The following MAP3K20 variants were observed in gnomAD, a reference collection of about 807,000 sequenced individuals.
MAP3K20 encodes mitogen-activated protein kinase kinase kinase 20, also known as HCCS-4.
Under a neutral mutation model 85.7 loss-of-function variants are expected in MAP3K20, and 40 were observed. That is an observed-to-expected ratio of 0.47 (90% CI 0.36 to 0.61). The LOEUF is 0.61. Among genes scored for constraint, MAP3K20 ranks in the 20% least tolerant of loss-of-function variants. The pLI is 0.00. For synonymous variants in MAP3K20, 325 were observed against 327.7 expected, an observed-to-expected ratio of 0.99 and a Z score of 0.09; for missense variants, 817 against 961.7, an observed-to-expected ratio of 0.85 and a Z score of 1.99.
intron 2 of MAP3K20, among the ~76,000 whole-genome samples, chr2:173,094,917 T>C (rs1687415393): frequency 1.3e-5 from 2 of 152,124 alleles, no homozygotes; most frequent in Non-Finnish European, 1.5e-5. Context: ...TAAGTAAATA[T>C]CTTTCCTCAG....
chr2:173,209,670 C>A, intron 9 of MAP3K20, 59 bp from the exon 10 acceptor site: 1 of 1,438,416 alleles, frequency 7.0e-7, no homozygotes, highest in South Asian at 1.3e-5. Flanking sequence ...TCTACGTTTT[C>A]TCTTAAATAT....
chr2:173,146,889 A>G (rs1204861624), intron 2 of MAP3K20, among the ~76,000 whole-genome samples: 1 of 152,162 alleles, frequency 6.6e-6, no homozygotes, highest in Non-Finnish European at 1.5e-5. Context: ...CTTTTTAATT[A>G]TAACCATCCT....
chr2:173,236,015 C>T (rs1429797176), intron 14 of MAP3K20, among the ~76,000 whole-genome samples: 1 of 152,098 alleles, frequency 6.6e-6, no homozygotes, highest in Non-Finnish European at 1.5e-5. Flanking sequence ...CCTGTAATCC[C>T]AGCACTTTGG....
chr2:173,254,070 C>T (rs1170490309), intron 16 of MAP3K20, among the ~76,000 whole-genome samples: 1 of 9,996 alleles, frequency 1.0e-4, no homozygotes, highest in East Asian at 3.2e-3. Flanking sequence ...GAACCTGTGT[C>T]AGAAAAAAAA....
At chr2:173,175,021 C>G (rs1032643257) in intron 3 of MAP3K20, among the ~76,000 whole-genome samples, 2 of 152,128 alleles carry the variant, frequency 1.3e-5, no homozygotes, top group African/African-American at 4.8e-5. Flanking sequence ...TGACATCCCG[C>G]AGTTGGAATT....
chr2:173,116,625 C>T (rs142972444), intron 2 of MAP3K20, among the ~76,000 whole-genome samples: 2 of 152,318 alleles, frequency 1.3e-5, no homozygotes, highest in East Asian at 1.9e-4. Context: ...TCCCACCTTG[C>T]GTGTCTTTAT....
chr2:173,094,855 C>T (rs1687413292), intron 2 of MAP3K20, among the ~76,000 whole-genome samples: 1 of 152,080 alleles, frequency 6.6e-6, no homozygotes, highest in Admixed American at 6.6e-5. Context: ...CAAGAAAATA[C>T]CTATTTTTCC....
intron 10 of MAP3K20, 76 bp from the exon 11 acceptor site, chr2:173,217,039 A>C: frequency 1.5e-6 from 2 of 1,305,782 alleles, no homozygotes; most frequent in Non-Finnish European, 2.0e-6. Flanking sequence ...TACTTTGATT[A>C]GCATTCTGAT....
intron 5 of MAP3K20, among the ~76,000 whole-genome samples, chr2:173,188,656 T>G (rs1224493628): frequency 6.6e-6 from 1 of 152,018 alleles, no homozygotes; most frequent in Non-Finnish European, 1.5e-5. Flanking sequence ...AGGGAAGTTA[T>G]CAGCACCTGC....
intron 2 of MAP3K20, among the ~76,000 whole-genome samples, chr2:173,131,799 G>T (rs544636825): frequency 3.9e-5 from 6 of 152,280 alleles, no homozygotes; most frequent in African/African-American, 1.4e-4. Context: ...ACAAAGCAAA[G>T]ATTTCAGAAA....
At chr2:173,226,655 G>GC in intron 11 of MAP3K20, 1 of 985,804 alleles carries the variant, frequency 1.0e-6, no homozygotes, top group Non-Finnish European at 1.2e-6. Flanking sequence ...GAGCTTTCTG[G>GC]CATGTGATTA....
chr2:173,182,995 G>A, intron 4 of MAP3K20, 40 bp downstream of exon 4: 2 of 1,501,322 alleles, frequency 1.3e-6, no homozygotes, highest in Admixed American at 1.8e-5. Flanking sequence ...TTAGTGGGGT[G>A]CATTTTCCCC....
intron 11 of MAP3K20, chr2:173,225,239 T>C: frequency 1.6e-6 from 1 of 625,494 alleles, no homozygotes. Context: ...TGGCATTTGC[T>C]GCCCAGTGCC....
intron 3 of MAP3K20, among the ~76,000 whole-genome samples, chr2:173,170,319 A>C (rs1044205669): frequency 1.2e-4 from 19 of 152,230 alleles, no homozygotes; most frequent in Admixed American, 7.9e-4. Context: ...GGTCTCTGAC[A>C]TAAGAACAAT....
chr2:173,188,032 A>G (rs1690539874), intron 5 of MAP3K20, among the ~76,000 whole-genome samples: 1 of 152,132 alleles, frequency 6.6e-6, no homozygotes, highest in Non-Finnish European at 1.5e-5. Context: ...TCAATTTTGA[A>G]TTTTGTTCTT....
intron 2 of MAP3K20, among the ~76,000 whole-genome samples, chr2:173,115,333 C>G (rs1688089125): frequency 6.6e-6 from 1 of 152,010 alleles, no homozygotes; most frequent in African/African-American, 2.4e-5. Flanking sequence ...GTTTGGACTT[C>G]CTTGCATTGG....
Position 173,198,199 on chromosome 2 carries a change from A to AAAGT in MAP3K20, c.669+92_669+95dup. On this transcript the variant is annotated intron_variant, in intron 8 of 19. Coordinates refer to ENST00000375213, the MANE Select transcript of MAP3K20 (RefSeq NM_016653.3). The surrounding 1 kb of genome is among the most constrained non-coding windows in gnomAD (Gnocchi z 5.8). The stretch of plus-strand genomic sequence containing the variant: ...AGACTTTTTCATCTTCTTCAAATTG[A>AAAGT]AAGTAAGTTCACGCTTATGGAAAGA... 8.1e-7 allele frequency: 1 copy of AAAGT among 1,242,094 alleles called. No homozygotes were observed. Among genetic ancestry groups the AAAGT allele is most frequent in the East Asian group, 2.4e-5 (1 of 41,090 alleles). The allele number at this position is 1,242,094 out of a possible 1,614,324, so 76.9% of individuals were successfully genotyped here. A position where few individuals can be genotyped will look rare whatever the true frequency, so the allele number is the denominator to read the frequency against.
chr2:173,226,822 G>A (rs1684402817), intron 11 of MAP3K20: 1 of 983,800 alleles, frequency 1.0e-6, no homozygotes, highest in Non-Finnish European at 1.2e-6. Flanking sequence ...TATATTCTTT[G>A]AGTGTGAGCT....
chr2:173,262,473 G>A (rs1227122946), intron 18 of MAP3K20, among the ~76,000 whole-genome samples: 1 of 152,076 alleles, frequency 6.6e-6, no homozygotes, highest in African/African-American at 2.4e-5. Flanking sequence ...GGTGGTGCAT[G>A]CCTGTAATCC....
Sources: allele counts gnomAD v4.1 joint callset (sites outside exome capture counted in the v4.1 genomes callset), GRCh38; gene constraint gnomAD v4.1.1; non-coding constraint Gnocchi (gnomAD v3.1); transcripts MANE v1.5; gene names NCBI Gene and HGNC (gene_info 2026-07-23, HGNC 2026-07-21).